Variants in RSRC1 observed in about 807,000 individuals in gnomAD.
The protein encoded by RSRC1 is serine/Arginine-related protein 53.
A neutral mutation model predicts 49.1 loss-of-function variants in RSRC1; 39 were observed. The observed-to-expected ratio is 0.79, with a 90% CI of 0.61 to 1.04. The LOEUF is 1.04. Ranked by LOEUF, RSRC1 falls within the 50% of genes least tolerant of loss-of-function variation. The probability of loss-of-function intolerance (pLI) is 0.00; values close to 1 mark genes in which losing one functional copy is unlikely to be tolerated. For synonymous variants in RSRC1, 143 were observed against 130.8 expected (o/e 1.09, Z -0.63); for missense variants, 388 against 402.4 (o/e 0.96, Z 0.31).
chr3:158,382,837 A>C (rs1435742282), intron 6 of RSRC1, among the ~76,000 whole-genome samples: 1 of 152,152 alleles, frequency 6.6e-6, no homozygotes, highest in Non-Finnish European at 1.5e-5. Flanking sequence ...TGAGTATTGT[A>C]TCTTTAACTC....
intron 7 of RSRC1, among the ~76,000 whole-genome samples, chr3:158,466,783 C>G (rs889821698): frequency 1.4e-4 from 22 of 152,116 alleles, no homozygotes; most frequent in Non-Finnish European, 2.6e-4. Flanking sequence ...CACTTCAGGC[C>G]GGGCATGATG....
chr3:158,175,742 GCAAACCAAT>G (rs200350287), intron 3 of RSRC1, among the ~76,000 whole-genome samples: 3,648 of 152,140 alleles, frequency 0.024, 154 homozygotes, highest in African/African-American at 0.084. Context: ...GAATATGTTG[GCAAACCAAT>G]CAAACGTAGA....
intron 5 of RSRC1, among the ~76,000 whole-genome samples, chr3:158,334,649 T>TTGTGTG (rs71840277): frequency 0.15 from 21,217 of 137,330 alleles, 2,040 homozygotes; most frequent in African/African-American, 0.26. Flanking sequence ...CCCAGCTAAT[T>TTGTGTG]TGTGTGTGTG....
intron 7 of RSRC1, among the ~76,000 whole-genome samples, chr3:158,470,799 T>A (rs1255892153): frequency 6.6e-6 from 1 of 152,080 alleles, no homozygotes; most frequent in African/African-American, 2.4e-5. Context: ...CAGGACCCAA[T>A]CGAAATCATC....
At chr3:158,485,734 T>C (rs897012483) in intron 7 of RSRC1, among the ~76,000 whole-genome samples, 2 of 152,170 alleles carry the variant, frequency 1.3e-5, no homozygotes, top group Non-Finnish European at 2.9e-5. Flanking sequence ...GTGTAATAAC[T>C]TTACATGAGT....
At chr3:158,341,663 C>T (rs1199533283) in intron 5 of RSRC1, among the ~76,000 whole-genome samples, 2 of 152,140 alleles carry the variant, frequency 1.3e-5, no homozygotes, top group Admixed American at 6.5e-5. Flanking sequence ...GGGTCAGAGC[C>T]CCCACACAGA....
At chr3:158,212,978 G>C (rs573486646) in intron 4 of RSRC1, among the ~76,000 whole-genome samples, 29 of 151,960 alleles carry the variant, frequency 1.9e-4, no homozygotes, top group Middle Eastern at 3.4e-3. Context: ...AGTGATCATT[G>C]GAGTGGCATC....
intron 3 of RSRC1, among the ~76,000 whole-genome samples, chr3:158,151,772 T>A (rs1717551728): frequency 6.6e-6 from 1 of 152,196 alleles, no homozygotes; most frequent in African/African-American, 2.4e-5. Context: ...GAGGACACAG[T>A]GTCATTATAT....
chr3:158,470,359 CACATATAT>C (rs1335304804), intron 7 of RSRC1, among the ~76,000 whole-genome samples: 2,432 of 93,228 alleles, frequency 0.026, 20 homozygotes, highest in Non-Finnish European at 0.04. Context: ...CACACACACA[CACATATAT>C]ATATATATAT....
intron 9 of RSRC1, 96 bp downstream of exon 9, chr3:158,543,583 T>C (rs1054149352): frequency 7.0e-6 from 9 of 1,278,908 alleles, no homozygotes; most frequent in Non-Finnish European, 9.6e-6. Flanking sequence ...AGGAGACCAT[T>C]GGAGGAAACA....
chr3:158,308,321 A>G (rs1222173864), intron 5 of RSRC1, among the ~76,000 whole-genome samples: 2 of 152,024 alleles, frequency 1.3e-5, no homozygotes, highest in Admixed American at 6.6e-5. Context: ...ACAGTGCCCC[A>G]TTAGATGAAA....
intron 4 of RSRC1, among the ~76,000 whole-genome samples, chr3:158,256,288 C>G (rs957881668): frequency 3.3e-5 from 5 of 152,036 alleles, no homozygotes; most frequent in African/African-American, 1.2e-4. Context: ...TGAATTTTGT[C>G]GATGGCCTTT....
chr3:158,121,472 CTCA>C (rs1715255761), intron 1 of RSRC1, among the ~76,000 whole-genome samples: 1 of 152,012 alleles, frequency 6.6e-6, no homozygotes, highest in Non-Finnish European at 1.5e-5. Flanking sequence ...TCTCAATAAC[CTCA>C]TCAACTTTAG....
chr3:158,524,536 A>G (rs1711890839), intron 7 of RSRC1, among the ~76,000 whole-genome samples: 3 of 151,998 alleles, frequency 2.0e-5, no homozygotes, highest in Admixed American at 1.3e-4. Flanking sequence ...TCTGATAAGG[A>G]TTCTTTTCAA....
intron 1 of RSRC1, among the ~76,000 whole-genome samples, chr3:158,112,730 G>A (rs1246304572): frequency 6.6e-6 from 1 of 152,078 alleles, no homozygotes; most frequent in Non-Finnish European, 1.5e-5. Flanking sequence ...CATGTGCCAT[G>A]GTGGTTTACT....
intron 6 of RSRC1, among the ~76,000 whole-genome samples, chr3:158,366,969 C>G (rs999621454): frequency 6.6e-6 from 1 of 152,134 alleles, no homozygotes; most frequent in African/African-American, 2.4e-5. Flanking sequence ...TATAGGAATG[C>G]TTGTTATTTT....
Position 158,441,203 on chromosome 3 carries a change from G to A in RSRC1, c.584-19732G>A, listed in dbSNP as rs562488431. On this transcript the variant is annotated intron_variant, in intron 6 of 9. Coordinates refer to ENST00000611884, the MANE Select transcript of RSRC1 (RefSeq NM_001271838.2). ...TGATTCTCTAAATCTGGGTTATGAA[G>A]TGTATCTTTACTTTCTGACTTCTTG... Among the ~76,000 whole-genome samples, 7 of 152,132 alleles carry A rather than the reference G, an allele frequency of 4.6e-5. No individual in the cohort carries two copies. In the South Asian group the frequency reaches 1.0e-3, roughly 23 times the overall value.
At chr3:158,359,835 G>A (rs1053927874) in intron 6 of RSRC1, among the ~76,000 whole-genome samples, 1 of 152,146 alleles carries the variant, frequency 6.6e-6, no homozygotes, top group African/African-American at 2.4e-5. Context: ...GGAAGAATAA[G>A]GTACACAGAC....
At chr3:158,145,369 C>T (rs1268047123) in intron 3 of RSRC1, among the ~76,000 whole-genome samples, 3 of 152,198 alleles carry the variant, frequency 2.0e-5, no homozygotes, top group Non-Finnish European at 4.4e-5. Context: ...GTTTTCCCAG[C>T]ACCATTTGTT....
Sources: allele counts gnomAD v4.1 joint callset (sites outside exome capture counted in the v4.1 genomes callset), GRCh38; gene constraint gnomAD v4.1.1; transcripts MANE v1.5; gene names NCBI Gene and HGNC (gene_info 2026-07-23, HGNC 2026-07-21).